Variants in MACROH2A2 observed in about 807,000 individuals in gnomAD.
MACROH2A2 encodes the protein core histone macro-H2A.2.
In MACROH2A2, 6 loss-of-function variants were observed where a neutral mutation model predicts 37.6. The ratio of observed to expected loss-of-function variants is 0.16; its 90% CI spans 0.09 to 0.32. MACROH2A2 has a LOEUF of 0.32. Ranked by LOEUF, MACROH2A2 falls within the 10% of genes least tolerant of loss-of-function variation. MACROH2A2 has a pLI of 1.00. For synonymous variants in MACROH2A2, 192 were observed against 202.7 expected, an observed-to-expected ratio of 0.95 and a Z score of 0.45; for missense variants, 290 against 485.9, an observed-to-expected ratio of 0.60 and a Z score of 3.79.
intron 2 of MACROH2A2, among the ~76,000 whole-genome samples, chr10:70,086,293 GA>G (rs56120002): frequency 0.3 from 39,601 of 133,444 alleles, 5,410 homozygotes; most frequent in African/African-American, 0.36. Flanking sequence ...TCTCTCTAAG[GA>G]AAAAAAAAAA....
chr10:70,084,519 G>C (rs1418959412), intron 2 of MACROH2A2, among the ~76,000 whole-genome samples: 1 of 152,178 alleles, frequency 6.6e-6, no homozygotes, highest in African/African-American at 2.4e-5. Flanking sequence ...AGTGAGCCTT[G>C]AGAGCACCAC....
chr10:70,078,633 G>A (rs1160011548), intron 2 of MACROH2A2, among the ~76,000 whole-genome samples: 1 of 152,198 alleles, frequency 6.6e-6, no homozygotes, highest in African/African-American at 2.4e-5. Context: ...TGGCGTATAG[G>A]ATGCACTCAA....
chr10:70,106,678 A>G (rs1003760635), intron 7 of MACROH2A2, among the ~76,000 whole-genome samples: 39 of 151,806 alleles, frequency 2.6e-4, no homozygotes, highest in African/African-American at 9.4e-4. Flanking sequence ...GGTGCCTGTA[A>G]TCCCAGCCAC....
At chr10:70,076,107 T>C (rs1382384518) in intron 2 of MACROH2A2, among the ~76,000 whole-genome samples, 1 of 152,202 alleles carries the variant, frequency 6.6e-6, no homozygotes, top group Non-Finnish European at 1.5e-5. Flanking sequence ...GCAAAAGATA[T>C]GTCTTGCTTT....
chr10:70,079,358 G>T (rs1042229718), intron 2 of MACROH2A2, among the ~76,000 whole-genome samples: 3 of 151,050 alleles, frequency 2.0e-5, no homozygotes, highest in Non-Finnish European at 2.9e-5. Context: ...GATTCAGACT[G>T]GGGGGGCGGG....
rs138866770 is a variant in MACROH2A2 at position 70,100,294 on chromosome 10, G to A, written c.775G>A (p.Glu259Lys). Residue 259 changes from glutamate (E) to lysine (K), a missense_variant, in exon 7 of 9, where the codon GAA becomes AAA. Coordinates refer to ENST00000373255, the MANE Select transcript of MACROH2A2 (RefSeq NM_018649.3). Reference protein sequence around the residue: ...RKSQGPLEVAEAAVSQSSGLA... With the variant: ...RKSQGPLEVAKAAVSQSSGLA... ...ATCCCAAGGCCCTTTGGAAGTCGCC[G>A]AAGGTAAGTGTGGAACTAGGCTCCT... 7.0e-6 allele frequency: 11 copies of A among 1,579,018 alleles called. No homozygotes were observed. Among genetic ancestry groups the A allele is most frequent in the East Asian group, 4.5e-5 (2 of 44,676 alleles).
At chr10:70,082,596 T>C (rs1025811950) in intron 2 of MACROH2A2, among the ~76,000 whole-genome samples, 4 of 152,214 alleles carry the variant, frequency 2.6e-5, no homozygotes, top group Non-Finnish European at 4.4e-5. Flanking sequence ...AATGGGCTGT[T>C]ATTCAGCCGT....
chr10:70,065,355 G>A (rs1055669216), intron 1 of MACROH2A2, among the ~76,000 whole-genome samples: 4 of 152,114 alleles, frequency 2.6e-5, no homozygotes, highest in African/African-American at 4.8e-5. Context: ...GGGATTATAA[G>A]CGTAAGCCAC....
chr10:70,058,828 G>A (rs1043473240), intron 1 of MACROH2A2, among the ~76,000 whole-genome samples: 1 of 152,026 alleles, frequency 6.6e-6, no homozygotes, highest in African/African-American at 2.4e-5. Flanking sequence ...CTCATCCCGA[G>A]TGGTAAACTT....
At chr10:70,082,972 T>G (rs1048852933) in intron 2 of MACROH2A2, among the ~76,000 whole-genome samples, 1 of 150,348 alleles carries the variant, frequency 6.7e-6, no homozygotes, top group African/African-American at 2.4e-5. Flanking sequence ...ATGTATGTTA[T>G]GTATGTTTTC....
At chr10:70,072,250 T>C (rs2136623290) in intron 1 of MACROH2A2, among the ~76,000 whole-genome samples, 1 of 152,136 alleles carries the variant, frequency 6.6e-6, no homozygotes, top group Non-Finnish European at 1.5e-5. Flanking sequence ...ATAAGCATTT[T>C]TCTATTAAAA....
At chr10:70,108,860 A>C (rs2271699) in intron 7 of MACROH2A2, among the ~76,000 whole-genome samples, 173 bp from the exon 8 acceptor site, 2 of 152,190 alleles carry the variant, frequency 1.3e-5, no homozygotes, top group South Asian at 4.1e-4. Flanking sequence ...AAAGCAATAC[A>C]GCCCAGCTCT....
intron 6 of MACROH2A2, chr10:70,098,310 AAAAGAGAG>A: frequency 7.0e-6 from 1 of 143,818 alleles, no homozygotes; most frequent in South Asian, 2.3e-4. Context: ...GAGGGAAAGA[AAAAGAGAG>A]AAAGAGAGAG....
intron 3 of MACROH2A2, among the ~76,000 whole-genome samples, chr10:70,091,475 A>G (rs2072244296): frequency 6.6e-6 from 1 of 152,146 alleles, no homozygotes; most frequent in South Asian, 2.1e-4. Flanking sequence ...CAGCCGTTCG[A>G]GACCAGCCTG....
chr10:70,096,867 C>G (rs1290174015), intron 6 of MACROH2A2, among the ~76,000 whole-genome samples: 2 of 152,072 alleles, frequency 1.3e-5, no homozygotes, highest in African/African-American at 4.8e-5. Context: ...ATAGGACAGC[C>G]CTGGGAAAAG....
At chr10:70,071,001 G>GTGCA (rs776544201) in intron 1 of MACROH2A2, among the ~76,000 whole-genome samples, 10 of 150,604 alleles carry the variant, frequency 6.6e-5, no homozygotes, top group African/African-American at 2.2e-4. Flanking sequence ...GCATGTGCAT[G>GTGCA]TGTGTGTGTG....
intron 6 of MACROH2A2, 143 bp downstream of exon 6, chr10:70,095,896 T>G (rs2072273530): frequency 1.8e-6 from 1 of 543,978 alleles, no homozygotes; most frequent in Non-Finnish European, 3.3e-6. Context: ...TTGAACAGTT[T>G]CACTAGAGAG....
rs1364160089 is a variant in MACROH2A2, at chr10:70,053,440, G to A, written c.-60+440G>A. ...GGGGCGATGGGTGGGGGGCTGCGCA[G>A]GGCCCGAGGGAGCCCGGGGAGGGCC... On this transcript the variant is annotated intron_variant, in intron 1 of 8. Coordinates refer to ENST00000373255, the MANE Select transcript of MACROH2A2 (RefSeq NM_018649.3). The surrounding 1 kb of genome is among the most constrained non-coding windows in gnomAD (Gnocchi z 4.8). Among the ~76,000 whole-genome samples the A allele has an allele frequency of 6.6e-6, 1 of 151,970 alleles. No homozygotes were observed. The highest frequency in any genetic ancestry group is 2.4e-5 in the African/African-American group (1 of 41,386).
intron 1 of MACROH2A2, among the ~76,000 whole-genome samples, chr10:70,058,085 A>G (rs184158278): frequency 1.3e-5 from 2 of 152,336 alleles, no homozygotes; most frequent in East Asian, 3.8e-4. Flanking sequence ...TTTTATTTTC[A>G]AAACTTATTT....
Sources: allele counts gnomAD v4.1 joint callset (sites outside exome capture counted in the v4.1 genomes callset), GRCh38; gene constraint gnomAD v4.1.1; non-coding constraint Gnocchi (gnomAD v3.1); transcripts MANE v1.5; gene names NCBI Gene and HGNC (gene_info 2026-07-23, HGNC 2026-07-21).